Variants in TSPAN11 observed in about 807,000 individuals in gnomAD.
TSPAN11 encodes tetraspanin 11, also known as tetraspanin-11.
Under a neutral mutation model 32.9 loss-of-function variants are expected in TSPAN11, and 29 were observed. That is an observed-to-expected ratio of 0.88 (90% CI 0.66 to 1.20). TSPAN11 has a LOEUF of 1.20. Ranked by LOEUF, TSPAN11 falls within the 50% of genes most tolerant of loss-of-function variation. TSPAN11 has a pLI of 0.00. For missense variants in TSPAN11, 283 were observed against 329.1 expected, an observed-to-expected ratio of 0.86 and a Z score of 1.08; for synonymous variants, 140 against 141.3, an observed-to-expected ratio of 0.99 and a Z score of 0.07.
chr12:30,981,760 C>T (rs1269025006), intron 5 of TSPAN11, among the ~76,000 whole-genome samples: 1 of 152,194 alleles, frequency 6.6e-6, no homozygotes, highest in Non-Finnish European at 1.5e-5. Flanking sequence ...TCGCTCCAGG[C>T]ACATAGTAGC....
chr12:30,947,962 T>C (rs112341832), intron 1 of TSPAN11, among the ~76,000 whole-genome samples: 2,285 of 152,296 alleles, frequency 0.015, 60 homozygotes, highest in African/African-American at 0.052. Context: ...ACAATGGTGG[T>C]ACAGGTATTG....
At chr12:31,013,879 T>C in the TSPAN11 span, among the ~76,000 whole-genome samples, 5 of 152,194 alleles carry the variant, frequency 3.3e-5, no homozygotes, top group Admixed American at 1.3e-4. Flanking sequence ...ATTGGAAATG[T>C]GGCTAGTCTA....
intron 1 of TSPAN11, among the ~76,000 whole-genome samples, chr12:30,943,519 G>A (rs754621476): frequency 2.6e-5 from 4 of 152,142 alleles, no homozygotes; most frequent in Admixed American, 2.0e-4. Context: ...TACTGTATCC[G>A]CCAATCAAAA....
intron 5 of TSPAN11, among the ~76,000 whole-genome samples, chr12:30,980,562 CCCCTGGACCTGGCTTGGTCT>C (rs750777927): frequency 6.6e-6 from 1 of 152,044 alleles, no homozygotes; most frequent in Non-Finnish European, 1.5e-5. Flanking sequence ...CCACCCCCAC[CCCCTGGACCTGGCTTGGTCT>C]TGGCTCCGGA....
At chr12:30,939,367 T>C (rs1462535296) in intron 1 of TSPAN11, among the ~76,000 whole-genome samples, 2 of 152,188 alleles carry the variant, frequency 1.3e-5, no homozygotes, top group Non-Finnish European at 2.9e-5. Flanking sequence ...TTTTTACTAC[T>C]GACCAGAGTC....
At chr12:30,936,196 C>T (rs1456621527) in intron 1 of TSPAN11, among the ~76,000 whole-genome samples, 2 of 152,192 alleles carry the variant, frequency 1.3e-5, no homozygotes, top group Admixed American at 6.5e-5. Flanking sequence ...TTAATTCCTG[C>T]TCTTCCTTCA....
chr12:30,933,079 G>A (rs1044522091), intron 1 of TSPAN11, among the ~76,000 whole-genome samples: 37 of 152,166 alleles, frequency 2.4e-4, no homozygotes, highest in African/African-American at 8.9e-4. Context: ...TGCCAGAGCC[G>A]CAGGATGACA....
chr12:30,972,802 G>A (rs188959051), intron 3 of TSPAN11, among the ~76,000 whole-genome samples: 6 of 150,332 alleles, frequency 4.0e-5, no homozygotes, highest in South Asian at 2.1e-4. Context: ...AGCCGGCTGC[G>A]CAGGGGGGAG....
At chr12:30,926,880 C>A (rs1328755983) in intron 1 of TSPAN11, 84 bp downstream of exon 1, 1 of 1,218,760 alleles carries the variant, frequency 8.2e-7, no homozygotes, top group Non-Finnish European at 1.1e-6. Context: ...CCTCCGCTGC[C>A]CGCCCCGCCG....
At chr12:30,954,666 C>T (rs1271968351) in intron 2 of TSPAN11, 2 of 153,952 alleles carry the variant, frequency 1.3e-5, no homozygotes, top group Non-Finnish European at 2.9e-5. Context: ...CAAAAATAGA[C>T]ACTGGAATAT....
At chr12:30,990,149 T>TGTGC in intron 7 of TSPAN11, among the ~76,000 whole-genome samples, 1 of 152,224 alleles carries the variant, frequency 6.6e-6, no homozygotes, top group East Asian at 1.9e-4. Flanking sequence ...TGTGTGTGTG[T>TGTGC]GTGCAAGTGT....
intron 3 of TSPAN11, among the ~76,000 whole-genome samples, chr12:30,967,206 C>T (rs1565797857): frequency 6.6e-6 from 1 of 152,212 alleles, no homozygotes; most frequent in Non-Finnish European, 1.5e-5. Flanking sequence ...GAGATCTGTC[C>T]AGACATCCAG....
chr12:30,956,352 A>G (rs1355206307), intron 2 of TSPAN11, among the ~76,000 whole-genome samples: 7 of 152,204 alleles, frequency 4.6e-5, no homozygotes, highest in Admixed American at 4.6e-4. Flanking sequence ...ATGCACTCAG[A>G]TATTTTTTTC....
chr12:31,013,410 C>CA, the TSPAN11 span, among the ~76,000 whole-genome samples: 2,794 of 145,090 alleles, frequency 0.019, 35 homozygotes, highest in African/African-American at 0.035. Flanking sequence ...CTATCTCTAC[C>CA]AAAAAAAAAA....
Position 30,991,978 on chromosome 12 carries a change from A to C in TSPAN11, c.*63A>C. The C allele has an allele frequency of 2.5e-6, 4 of 1,570,906 alleles. No homozygotes were observed. The highest frequency in any genetic ancestry group is 3.5e-6 in the Non-Finnish European group (4 of 1,141,100). ...AACATGTGGCCACATGCCATCTGCA[A>C]GGCCTGCAGAGTTAGCACCAGCTCC... On this transcript the variant is annotated 3_prime_UTR_variant, in exon 8 of 8. Transcript: ENST00000546076.
Position 30,978,620 on chromosome 12 carries a change from T to C in TSPAN11, c.336T>C (p.His112=), listed in dbSNP as rs1939023470. The part of the protein sequence containing the change: ...LVELVAGVLA[H]VYYQRLSDEL... ...AGCTGGTGGCGGGAGTCCTGGCCCATGTGTATTACCAGAGGGTAAGTGACG... is the reference window on the plus strand; with the variant it reads ...AGCTGGTGGCGGGAGTCCTGGCCCACGTGTATTACCAGAGGGTAAGTGACG... The change falls in exon 4 of 8, where the codon CAT becomes CAC. Residue 112 remains histidine, a synonymous_variant. Coordinates refer to ENST00000546076, the MANE Select transcript of TSPAN11 (RefSeq NM_001370302.1). 1 of 1,614,166 alleles carries C rather than the reference T, an allele frequency of 6.2e-7. No individual in the cohort carries two copies. The highest frequency in any genetic ancestry group is 8.5e-7 in the Non-Finnish European group (1 of 1,180,014).
At chr12:30,968,484 C>A (rs778572334) in intron 3 of TSPAN11, among the ~76,000 whole-genome samples, 6 of 152,174 alleles carry the variant, frequency 3.9e-5, no homozygotes, top group Non-Finnish European at 8.8e-5. Flanking sequence ...ATCTGCCAGG[C>A]AGGAACAGGA....
chr12:31,012,503 C>T, the TSPAN11 span: 4,813 of 152,696 alleles, frequency 0.032, 280 homozygotes, highest in African/African-American at 0.11. Flanking sequence ...TGGTTCTCTC[C>T]TTGCCTGCTC....
At chr12:30,952,327 C>T (rs536481035) in intron 1 of TSPAN11, among the ~76,000 whole-genome samples, 3 of 152,312 alleles carry the variant, frequency 2.0e-5, no homozygotes, top group Admixed American at 6.5e-5. Flanking sequence ...GCATAATGGC[C>T]GTGAAATCGC....
Sources: gnomAD v4.1 joint callset for allele counts (sites outside exome capture counted in the v4.1 genomes callset) on GRCh38, gnomAD v4.1.1 for gene constraint, MANE v1.5 for transcripts, NCBI Gene and HGNC (gene_info 2026-07-23, HGNC 2026-07-21) for gene names.